PREX2: variants seen among roughly 807,000 people sequenced by gnomAD.
PREX2 encodes phosphatidylinositol 3,4,5-trisphosphate-dependent Rac exchanger 2 protein.
A neutral mutation model predicts 203.2 loss-of-function variants in PREX2; 107 were observed. That is an observed-to-expected ratio of 0.53 (90% confidence interval 0.45 to 0.62). The LOEUF is 0.62. Among genes scored for constraint, PREX2 ranks in the 20% least tolerant of loss-of-function variants. The pLI is 0.00. For missense variants in PREX2, 1,777 were observed against 1,955.9 expected (o/e 0.91, Z 1.72); for synonymous variants, 672 against 663.6 (o/e 1.01, Z -0.19).
At chr8:67,964,235 C>A (rs1805708393) in intron 1 of PREX2, among the ~76,000 whole-genome samples, 1 of 152,222 alleles carries the variant, frequency 6.6e-6, no homozygotes, top group South Asian at 2.1e-4. Context: ...ACACACATCA[C>A]TTTCACTCTC....
At chr8:68,000,312 C>T (rs1014474746) in intron 1 of PREX2, among the ~76,000 whole-genome samples, 9 of 151,974 alleles carry the variant, frequency 5.9e-5, no homozygotes, top group Non-Finnish European at 7.4e-5. Context: ...AACAGTTAGG[C>T]GAGAGAGAGC....
At position 68,120,772 on chromosome 8, in the gene PREX2, T is replaced by C. The variant is rs1216511184; in HGVS notation, c.3596-149T>C. The C allele has an allele frequency of 7.7e-6, 5 of 652,902 alleles. No individual in the cohort carries two copies. In the East Asian group the frequency reaches 8.7e-5, roughly 11 times the overall value. The allele number at this position is 652,902 out of a possible 1,614,324, so 40.4% of individuals were successfully genotyped here. The stretch of plus-strand genomic sequence containing the variant: ...TAACATGAAGGTTTGACTTTTTACA[T>C]TTAACGGATTTTCTGATGGTGTGGC... On this transcript the variant is annotated intron_variant, in intron 29 of 39. Transcript: ENST00000288368.
At chr8:67,996,429 A>G (rs1231511662) in intron 1 of PREX2, among the ~76,000 whole-genome samples, 2 of 152,004 alleles carry the variant, frequency 1.3e-5, no homozygotes, top group Non-Finnish European at 2.9e-5. Context: ...CCTGGCCTCA[A>G]GTGATCCTCC....
intron 25 of PREX2, among the ~76,000 whole-genome samples, chr8:68,114,024 G>C (rs1259119831): frequency 6.6e-6 from 1 of 152,066 alleles, no homozygotes; most frequent in Non-Finnish European, 1.5e-5. Flanking sequence ...ACCACACCCA[G>C]CTAATTTTTG....
At chr8:68,153,473 C>T (rs573585908) in intron 34 of PREX2, among the ~76,000 whole-genome samples, 2 of 152,194 alleles carry the variant, frequency 1.3e-5, no homozygotes, top group East Asian at 3.9e-4. Context: ...TCTTCCTCTA[C>T]TTGAAAAGTA....
intron 37 of PREX2, among the ~76,000 whole-genome samples, chr8:68,195,489 T>G (rs1812376442): frequency 6.6e-6 from 1 of 152,226 alleles, no homozygotes; most frequent in Non-Finnish European, 1.5e-5. Flanking sequence ...TACTCTTTAA[T>G]TTTTCAGTGA....
chr8:68,179,213 A>G (rs1260832727), intron 35 of PREX2, among the ~76,000 whole-genome samples: 2 of 152,290 alleles, frequency 1.3e-5, no homozygotes, highest in East Asian at 3.9e-4. Context: ...GACCAAATCT[A>G]GTTTTTAAAT....
At chr8:68,029,836 A>C (rs1372542714) in intron 5 of PREX2, among the ~76,000 whole-genome samples, 1 of 152,148 alleles carries the variant, frequency 6.6e-6, no homozygotes, top group Non-Finnish European at 1.5e-5. Flanking sequence ...AATATAAATA[A>C]AAAGACCCTC....
chr8:68,201,298 C>T (rs1812496580), intron 37 of PREX2, among the ~76,000 whole-genome samples: 1 of 151,922 alleles, frequency 6.6e-6, no homozygotes, highest in South Asian at 2.1e-4. Flanking sequence ...AGCAGGAGAG[C>T]AGGTAGTATG....
chr8:67,963,709 G>C (rs1805695658), intron 1 of PREX2, among the ~76,000 whole-genome samples: 1 of 151,098 alleles, frequency 6.6e-6, no homozygotes, highest in African/African-American at 2.4e-5. Context: ...TTTTTTTCCT[G>C]AAGGCCAGAA....
chr8:68,227,543 G>A (rs1813077519), intron 39 of PREX2, among the ~76,000 whole-genome samples: 1 of 152,194 alleles, frequency 6.6e-6, no homozygotes, highest in Admixed American at 6.5e-5. Context: ...TGGCACTATA[G>A]TCCTATGAGT....
At chr8:68,174,707 C>A (rs1563575147) in intron 35 of PREX2, among the ~76,000 whole-genome samples, 1 of 152,108 alleles carries the variant, frequency 6.6e-6, no homozygotes, top group Non-Finnish European at 1.5e-5. Context: ...TTCACCTTGT[C>A]TTTTTTGTTG....
intron 31 of PREX2, among the ~76,000 whole-genome samples, chr8:68,128,853 C>A (rs977941169): frequency 2.6e-5 from 4 of 152,166 alleles, no homozygotes; most frequent in African/African-American, 9.7e-5. Context: ...TTCCAAAGTA[C>A]CACACTTGGA....
rs145681493 is a variant in PREX2 at position 67,976,195 on chromosome 8, A to G, written c.141+23660A>G. On this transcript the variant is annotated intron_variant, in intron 1 of 39. Coordinates refer to ENST00000288368, the MANE Select transcript of PREX2 (RefSeq NM_024870.4). ...TAGCTCTGAAACTTGCAATTGACCA[A>G]TGTCTCCCAAGACTAGGTCTTAAGG... is the stretch of plus-strand genomic sequence containing the variant. Among the ~76,000 whole-genome samples, 456 of 152,140 alleles carry G rather than the reference A, an allele frequency of 3.0e-3. 2 individuals are homozygous for G. The highest frequency in any genetic ancestry group is 0.01 in the African/African-American group (423 of 41,496).
rs752729248 is a variant in PREX2, at chr8:68,027,302, C to G, written c.522C>G (p.Cys174Trp). 6.2e-7 allele frequency: 1 copy of G among 1,600,910 alleles called. No individual in the cohort carries two copies. Among genetic ancestry groups the G allele is most frequent in the Admixed American group, 1.7e-5 (1 of 59,884 alleles). ...TAGTAACACCAATACAAAGAATATG[C>G]AAGTACCCTCTTATTTTGAAGGTAT... ...GYLVTPIQRI[C>W]KYPLILKELL... The change falls in exon 5 of 40, where the codon TGC becomes TGG. Residue 174 changes from cysteine (C) to tryptophan (W), a missense_variant. Coordinates refer to ENST00000288368, the MANE Select transcript of PREX2 (RefSeq NM_024870.4).
At chr8:68,103,242 G>C (rs532969064) in intron 23 of PREX2, among the ~76,000 whole-genome samples, 1 of 152,042 alleles carries the variant, frequency 6.6e-6, no homozygotes, top group Non-Finnish European at 1.5e-5. Flanking sequence ...AATCTTCCCC[G>C]TGTCCCCTTC....
chr8:68,016,253 C>T (rs1347677011), intron 1 of PREX2, among the ~76,000 whole-genome samples: 2 of 152,040 alleles, frequency 1.3e-5, no homozygotes, highest in African/African-American at 4.8e-5. Flanking sequence ...TTAGCACACA[C>T]CAATATTATC....
rs144802479 is a variant in PREX2, at chr8:67,976,062, A to G, written c.141+23527A>G. Among the ~76,000 whole-genome samples the G allele has an allele frequency of 2.6e-3, 393 of 152,114 alleles. 1 individual carries two copies. The highest frequency in any genetic ancestry group is 8.9e-3 in the African/African-American group (368 of 41,492). On this transcript the variant is annotated intron_variant, in intron 1 of 39. Transcript: ENST00000288368. ...TTTAAAAAAATGCATAGATTCTTCT[A>G]TACTTTTAGGCTTTTGATGAAGTTA... is the stretch of plus-strand genomic sequence containing the variant.
At chr8:68,140,381 A>G (rs146208139) in intron 33 of PREX2, among the ~76,000 whole-genome samples, 1 of 152,370 alleles carries the variant, frequency 6.6e-6, no homozygotes, top group African/African-American at 2.4e-5. Context: ...GAAGATAGGA[A>G]TATAATTCTT....
Sources: gnomAD v4.1 joint callset for allele counts (sites outside exome capture counted in the v4.1 genomes callset) on GRCh38, gnomAD v4.1.1 for gene constraint, MANE v1.5 for transcripts, NCBI Gene and HGNC (gene_info 2026-07-23, HGNC 2026-07-21) for gene names.